The following STAM variants were observed in gnomAD, a reference collection of about 807,000 sequenced individuals.
STAM encodes the protein signal transducing adaptor molecule.
Under a neutral mutation model 63.4 loss-of-function variants are expected in STAM, and 16 were observed. The observed-to-expected ratio is 0.25, with a 90% CI of 0.17 to 0.38. The LOEUF is 0.38. STAM is among the 10% of genes least tolerant of loss of function. The probability of loss-of-function intolerance (pLI) is 1.00; values close to 1 mark genes in which losing one functional copy is unlikely to be tolerated. For missense variants in STAM, 636 were observed against 657.1 expected (o/e 0.97, Z 0.35); for synonymous variants, 238 against 223.9 (o/e 1.06, Z -0.56).
intron 6 of STAM, among the ~76,000 whole-genome samples, chr10:17,693,786 C>T (rs1304004235): frequency 6.6e-6 from 1 of 152,014 alleles, no homozygotes; most frequent in Non-Finnish European, 1.5e-5. Flanking sequence ...TATTCTTGTA[C>T]ATATTCTCTG....
intron 12 of STAM, among the ~76,000 whole-genome samples, chr10:17,706,464 C>T (rs782369485): frequency 2.0e-4 from 30 of 147,550 alleles, no homozygotes; most frequent in Non-Finnish European, 3.9e-4. Flanking sequence ...CTGCAAGCTC[C>T]GCCTTCCGGG....
At chr10:17,692,669 G>C (rs1174889524) in intron 5 of STAM, among the ~76,000 whole-genome samples, 1 of 152,190 alleles carries the variant, frequency 6.6e-6, no homozygotes, top group Non-Finnish European at 1.5e-5. Flanking sequence ...CAATTTAATA[G>C]AGGCAGTGAT....
intron 6 of STAM, among the ~76,000 whole-genome samples, chr10:17,693,659 A>G (rs782143698): frequency 6.6e-6 from 1 of 152,204 alleles, no homozygotes; most frequent in East Asian, 1.9e-4. Flanking sequence ...TGATATATCC[A>G]TTAACTGTTC....
At chr10:17,688,792 G>C (rs544205772) in intron 5 of STAM, among the ~76,000 whole-genome samples, 1 of 152,168 alleles carries the variant, frequency 6.6e-6, no homozygotes, top group Admixed American at 6.5e-5. Context: ...ACACAAAATA[G>C]CTTTATTAAT....
At chr10:17,653,483 T>C (rs1833820467) in intron 1 of STAM, among the ~76,000 whole-genome samples, 1 of 152,186 alleles carries the variant, frequency 6.6e-6, no homozygotes, top group African/African-American at 2.4e-5. Flanking sequence ...TGGAGGGTGA[T>C]GAAGCTTCCT....
intron 2 of STAM, among the ~76,000 whole-genome samples, chr10:17,662,168 T>TGA (rs1564534272): frequency 6.6e-6 from 1 of 152,200 alleles, no homozygotes; most frequent in Non-Finnish European, 1.5e-5. Flanking sequence ...CCTTCCATAC[T>TGA]GAGTTCAGTT....
chr10:17,708,655 G>A (rs1836407853), intron 12 of STAM, 121 bp from the exon 13 acceptor site: 1 of 1,048,162 alleles, frequency 9.5e-7, no homozygotes, highest in Non-Finnish European at 1.3e-6. Flanking sequence ...AAATAACTTT[G>A]AAAAAAGGAT....
chr10:17,644,414 C>A (rs932774157), intron 1 of STAM, 35 bp downstream of exon 1: 3 of 1,613,462 alleles, frequency 1.9e-6, no homozygotes, highest in Admixed American at 1.7e-5. Context: ...CCATTCCTCA[C>A]CGGACTGCAC....
chr10:17,712,739 G>A (rs1836612171), intron 13 of STAM, among the ~76,000 whole-genome samples: 1 of 152,126 alleles, frequency 6.6e-6, no homozygotes, highest in Non-Finnish European at 1.5e-5. Flanking sequence ...GTATTCCGTT[G>A]GAAACAGGAA....
At chr10:17,663,236 C>G (rs1554823087) in intron 2 of STAM, among the ~76,000 whole-genome samples, 2 of 151,956 alleles carry the variant, frequency 1.3e-5, no homozygotes, top group African/African-American at 4.8e-5. Context: ...ATTATTTTCC[C>G]TATTTTATTT....
At chr10:17,709,600 CT>C (rs747669835) in intron 13 of STAM, among the ~76,000 whole-genome samples, 138 of 152,140 alleles carry the variant, frequency 9.1e-4, no homozygotes, top group Non-Finnish European at 1.9e-3. Flanking sequence ...GAGCTGAAAT[CT>C]TTTCCTTGAA....
At chr10:17,709,074 C>T in intron 13 of STAM, 123 bp downstream of exon 13, 1 of 1,185,490 alleles carries the variant, frequency 8.4e-7, no homozygotes. Context: ...GCGGCCGCCC[C>T]ATTTGTGCTA....
At chr10:17,658,294 T>A (rs1349447840) in intron 1 of STAM, among the ~76,000 whole-genome samples, 1 of 152,188 alleles carries the variant, frequency 6.6e-6, no homozygotes. Flanking sequence ...TATTCCATTG[T>A]AATCACTATG....
At chr10:17,689,223 T>G (rs1835428925) in intron 5 of STAM, among the ~76,000 whole-genome samples, 1 of 152,226 alleles carries the variant, frequency 6.6e-6, no homozygotes, top group South Asian at 2.1e-4. Flanking sequence ...ATGTGCTGAT[T>G]TACTACACTG....
In STAM at chr10:17,708,888, C is replaced by T; in HGVS notation, c.1322C>T (p.Ala441Val). 1.2e-6 allele frequency: 2 copies of T among 1,614,076 alleles called. No homozygotes were observed. The highest frequency in any genetic ancestry group is 1.7e-6 in the Non-Finnish European group (2 of 1,180,028). The change falls in exon 13 of 14, where the codon GCA (alanine) becomes GTA (valine). Residue 441 changes from alanine (A) to valine (V), a missense_variant. Ala to Val is a moderately conservative substitution (Grantham distance 64). Coordinates refer to ENST00000377524, the MANE Select transcript of STAM (RefSeq NM_003473.4). ...PPEQLSSLSQAVVPPSANPAL... is the reference protein window; with the variant it reads ...PPEQLSSLSQVVVPPSANPAL... ...GAGCAGCTGTCTTCTCTCAGCCAGG[C>T]AGTGGTCCCACCATCCGCAAACCCA...
intron 6 of STAM, 68 bp from the exon 7 acceptor site, chr10:17,694,981 T>C (rs2131658271): frequency 1.4e-6 from 2 of 1,459,022 alleles, no homozygotes; most frequent in Non-Finnish European, 1.9e-6. Flanking sequence ...TCTTGATGTC[T>C]TTTTCTACTT....
chr10:17,667,675 C>T lies in STAM; in HGVS notation c.125+7127C>T, dbSNP rs187783214. 2.6e-5 allele frequency among the ~76,000 whole-genome samples: 4 copies of T among 152,238 alleles called. No homozygotes were observed. In the East Asian group the frequency reaches 5.8e-4, roughly 22 times the overall value. The stretch of plus-strand genomic sequence containing the variant: ...TAAACAGATACTAACAGATGATGGT[C>T]AATAGCTAAGAAGCTAGTAACCAGA... On this transcript the variant is annotated intron_variant, in intron 2 of 13. Coordinates refer to ENST00000377524, the MANE Select transcript of STAM (RefSeq NM_003473.4).
chr10:17,644,461 T>A, intron 1 of STAM, 82 bp downstream of exon 1: 1 of 1,555,776 alleles, frequency 6.4e-7, no homozygotes, highest in Non-Finnish European at 8.8e-7. Context: ...TTCAGGACCC[T>A]CGGGCCAGGG....
At chr10:17,659,459 T>G (rs1379706109) in intron 1 of STAM, among the ~76,000 whole-genome samples, 1 of 141,494 alleles carries the variant, frequency 7.1e-6, no homozygotes, top group Non-Finnish European at 1.5e-5. Flanking sequence ...TTTATTCTCT[T>G]CCTCTTTTTT....
Sources: gnomAD v4.1 joint callset for allele counts (sites outside exome capture counted in the v4.1 genomes callset) on GRCh38, gnomAD v4.1.1 for gene constraint, MANE v1.5 for transcripts, NCBI Gene and HGNC (gene_info 2026-07-23, HGNC 2026-07-21) for gene names.